The following PIK3C2G variants were observed in gnomAD, a reference collection of about 807,000 sequenced individuals.
PIK3C2G encodes phosphatidylinositol 3-kinase C2 domain-containing subunit gamma.
A neutral mutation model predicts 181.1 loss-of-function variants in PIK3C2G; 168 were observed. The observed-to-expected ratio is 0.93, with a 90% CI of 0.82 to 1.05. The LOEUF is 1.05. Among genes scored for constraint, PIK3C2G ranks in the 50% least tolerant of loss-of-function variants. The pLI, the probability that PIK3C2G is intolerant of heterozygous loss-of-function variation, is 0.00. For synonymous variants in PIK3C2G, 573 were observed against 592.2 expected, an observed-to-expected ratio of 0.97 and a Z score of 0.47; for missense variants, 1,869 against 1,732.8, an observed-to-expected ratio of 1.08 and a Z score of -1.40.
chr12:18,262,440 G>A (rs113458054), intron 1 of PIK3C2G, among the ~76,000 whole-genome samples: 4 of 152,122 alleles, frequency 2.6e-5, no homozygotes, highest in African/African-American at 9.6e-5. Flanking sequence ...ATGTTATTAA[G>A]AGCTTGGATT....
At chr12:18,497,005 C>A (rs370315428) in intron 21 of PIK3C2G, among the ~76,000 whole-genome samples, 18 of 152,282 alleles carry the variant, frequency 1.2e-4, no homozygotes, top group African/African-American at 4.3e-4. Flanking sequence ...ATAGAACTAT[C>A]CTTCCCCTTT....
At chr12:18,647,157 A>G (rs562421004) in intron 32 of PIK3C2G, among the ~76,000 whole-genome samples, 9 of 152,158 alleles carry the variant, frequency 5.9e-5, no homozygotes, top group African/African-American at 2.2e-4. Flanking sequence ...TTGAATAAAT[A>G]AAAGTAACCA....
At chr12:18,515,923 T>G (rs1942507329) in intron 24 of PIK3C2G, among the ~76,000 whole-genome samples, 1 of 152,010 alleles carries the variant, frequency 6.6e-6, no homozygotes, top group African/African-American at 2.4e-5. Flanking sequence ...CATTTGAACT[T>G]GCCTCAAGGA....
At chr12:18,512,110 C>A (rs112348986) in intron 24 of PIK3C2G, among the ~76,000 whole-genome samples, 7 of 151,912 alleles carry the variant, frequency 4.6e-5, no homozygotes, top group African/African-American at 1.4e-4. Context: ...TTGTCAAAAA[C>A]AAGTTGACCA....
intron 31 of PIK3C2G, among the ~76,000 whole-genome samples, chr12:18,630,495 T>C (rs1342979912): frequency 1.3e-5 from 2 of 152,146 alleles, no homozygotes; most frequent in African/African-American, 2.4e-5. Context: ...TAGAAATATA[T>C]TGACAGCTTA....
intron 7 of PIK3C2G, among the ~76,000 whole-genome samples, chr12:18,324,085 T>C (rs1951225487): frequency 6.6e-6 from 1 of 152,026 alleles, no homozygotes; most frequent in Non-Finnish European, 1.5e-5. Flanking sequence ...CCGGGCGTGG[T>C]GGCGGGCGCC....
At chr12:18,411,182 C>G (rs994255496) in intron 16 of PIK3C2G, among the ~76,000 whole-genome samples, 9 of 151,984 alleles carry the variant, frequency 5.9e-5, no homozygotes, top group Non-Finnish European at 1.2e-4. Flanking sequence ...AAATAATATA[C>G]CCAAGATAAT....
At chr12:18,622,028 A>T (rs1400139635) in intron 31 of PIK3C2G, among the ~76,000 whole-genome samples, 2 of 151,946 alleles carry the variant, frequency 1.3e-5, no homozygotes, top group African/African-American at 4.8e-5. Flanking sequence ...TAAGCTAATT[A>T]ACATATATCA....
Position 18,282,629 on chromosome 12 carries a change from C to T in PIK3C2G, c.548C>T (p.Ser183Leu). The T allele has an allele frequency of 1.2e-6, 2 of 1,613,236 alleles. No individual in the cohort carries two copies. Among genetic ancestry groups the T allele is most frequent in the Non-Finnish European group, 8.5e-7 (1 of 1,179,252 alleles). ...ATTCCTCCAACAAATTCATCCTTCTCAAGTGACTTCATGCCGAAAGAAGAG... is the reference window on the plus strand; with the variant it reads ...ATTCCTCCAACAAATTCATCCTTCTTAAGTGACTTCATGCCGAAAGAAGAG... ...SSIPPTNSSF[S>L]SDFMPKEENK... Residue 183 changes from serine to leucine, a missense_variant, in exon 2 of 33, where the codon TCA (serine) becomes TTA (leucine). Ser to Leu is a moderately radical substitution (Grantham distance 145, BLOSUM62 -2). Coordinates refer to ENST00000538779, the MANE Select transcript of PIK3C2G (RefSeq NM_001288772.2).
intron 5 of PIK3C2G, among the ~76,000 whole-genome samples, chr12:18,301,089 C>T (rs947472555): frequency 1.5e-4 from 23 of 152,006 alleles, no homozygotes; most frequent in Admixed American, 7.9e-4. Context: ...AGGCTGATGG[C>T]GATTTCCTTC....
At chr12:18,475,150 C>T (rs1345700812) in intron 18 of PIK3C2G, among the ~76,000 whole-genome samples, 2 of 151,840 alleles carry the variant, frequency 1.3e-5, no homozygotes, top group African/African-American at 4.8e-5. Flanking sequence ...TTATTATAGG[C>T]TAATTTAACT....
chr12:18,720,599 T>A, the PIK3C2G span, among the ~76,000 whole-genome samples: 1 of 151,904 alleles, frequency 6.6e-6, no homozygotes, highest in Admixed American at 6.6e-5. Context: ...TCTACCCTTA[T>A]ATATTCACTC....
chr12:18,461,453 C>T (rs1413389313), intron 18 of PIK3C2G, among the ~76,000 whole-genome samples: 3 of 152,052 alleles, frequency 2.0e-5, no homozygotes, highest in Non-Finnish European at 1.5e-5. Flanking sequence ...GGACTATTTA[C>T]ATAGGGTGGA....
Position 18,488,613 on chromosome 12 carries a change from G to C in PIK3C2G, c.2669G>C (p.Ser890Thr), listed in dbSNP as rs762192784. The change falls in exon 19 of 33, where the codon AGT becomes ACT. Residue 890 changes from serine (S) to threonine (T), a missense_variant. Coordinates refer to ENST00000538779, the MANE Select transcript of PIK3C2G (RefSeq NM_001288772.2). ...GDIGERVKSA[S>T]DHQRQEVLKK... is the part of the protein sequence containing the mutation. ...ATTGGGGAAAGAGTCAAGTCTGCCA[G>C]TGACCATCAAAGACAGGTTTGTTGA... 1.3e-6 allele frequency: 2 copies of C among 1,535,042 alleles called. No homozygotes were observed. Among genetic ancestry groups the C allele is most frequent in the African/African-American group, 2.8e-5 (2 of 71,078 alleles).
intron 1 of PIK3C2G, among the ~76,000 whole-genome samples, chr12:18,253,305 G>A (rs558024604): frequency 4.6e-5 from 7 of 152,168 alleles, no homozygotes; most frequent in Admixed American, 1.3e-4. Context: ...ATATAGTCAC[G>A]GTAGAAGTAA....
chr12:18,583,607 C>A (rs1255875140), intron 29 of PIK3C2G, among the ~76,000 whole-genome samples: 1 of 152,108 alleles, frequency 6.6e-6, no homozygotes, highest in African/African-American at 2.4e-5. Context: ...GAGCACCCAC[C>A]ACACAGAAAA....
chr12:18,497,871 T>TA lies in PIK3C2G; in HGVS notation c.3016+124dup, dbSNP rs1272983355. On this transcript the variant is annotated intron_variant, in intron 22 of 32. Coordinates refer to ENST00000538779, the MANE Select transcript of PIK3C2G (RefSeq NM_001288772.2). Reference sequence around the variant, plus strand: ...ACAAGTTTGAAAATCCAAAGAACTATACACATTCTTCTTTTTTTAAAGAAT... The same window carrying TA: ...ACAAGTTTGAAAATCCAAAGAACTATAACACATTCTTCTTTTTTTAAAGAAT... The TA allele has an allele frequency of 5.4e-6, 3 of 552,760 alleles. No homozygotes were observed. The African/African-American group carries it at 5.8e-5, about 11-fold the overall frequency. 34.2% of individuals were successfully genotyped at this position (552,760 alleles called of 1,614,324 possible). A position where few individuals can be genotyped will look rare whatever the true frequency, so the allele number is the denominator to read the frequency against.
Position 18,302,232 on chromosome 12 carries a change from G to A in PIK3C2G, c.1034+8217G>A, listed in dbSNP as rs529498440. Among the ~76,000 whole-genome samples the A allele has an allele frequency of 2.5e-3, 385 of 152,294 alleles. 1 individual carries two copies. The highest frequency in any genetic ancestry group is 8.8e-3 in the African/African-American group (366 of 41,560). ...GCCAGCAGTGGCAGCAGAGGGCCGAGTGGATAGGCAGGTTTTGGGGCCCCT... is the reference window on the plus strand; with the variant it reads ...GCCAGCAGTGGCAGCAGAGGGCCGAATGGATAGGCAGGTTTTGGGGCCCCT... On this transcript the variant is annotated intron_variant, in intron 5 of 32. Transcript: ENST00000538779.
intron 20 of PIK3C2G, among the ~76,000 whole-genome samples, chr12:18,495,137 A>G (rs1940899890): frequency 6.6e-6 from 1 of 152,116 alleles, no homozygotes; most frequent in East Asian, 1.9e-4. Flanking sequence ...ACGTTGTTCA[A>G]GCTGATCTTT....
Sources: allele counts gnomAD v4.1 joint callset (sites outside exome capture counted in the v4.1 genomes callset), GRCh38; gene constraint gnomAD v4.1.1; transcripts MANE v1.5; gene names NCBI Gene and HGNC (gene_info 2026-07-23, HGNC 2026-07-21).